The following DNAJC3 variants were observed in gnomAD, a reference collection of about 807,000 sequenced individuals.
DNAJC3 encodes DnaJ heat shock protein family (Hsp40) member C3.
A neutral mutation model predicts 68.6 loss-of-function variants in DNAJC3; 38 were observed. The observed-to-expected ratio is 0.55, with a 90% CI of 0.43 to 0.73. The LOEUF (loss-of-function observed/expected upper bound fraction) is 0.73. Ranked by LOEUF, DNAJC3 falls within the 30% of genes least tolerant of loss-of-function variation. DNAJC3 has a pLI of 0.00. For synonymous variants in DNAJC3, 203 were observed against 204.0 expected, an observed-to-expected ratio of 1.00 and a Z score of 0.04; for missense variants, 526 against 591.9, an observed-to-expected ratio of 0.89 and a Z score of 1.16.
chr13:95,760,581 C>T (rs1018134303), intron 6 of DNAJC3, 98 bp from the exon 7 acceptor site: 40 of 1,445,536 alleles, frequency 2.8e-5, no homozygotes, highest in Middle Eastern at 2.5e-4. Flanking sequence ...TTTGTTTAAT[C>T]GTTGCAAACA....
chr13:95,781,239 G>A (rs1033764083), intron 9 of DNAJC3, among the ~76,000 whole-genome samples: 2 of 152,124 alleles, frequency 1.3e-5, no homozygotes, highest in African/African-American at 4.8e-5. Context: ...TCTGCTTATA[G>A]TAGGGATTAA....
rs1879783459 is a variant in DNAJC3, at chr13:95,677,345, C to T, written c.82+8C>T. On this transcript the variant is annotated splice_region_variant and intron_variant, in intron 1 of 11. Transcript: ENST00000602402. ...TGGATCTGCAGTACGAAGGTGAGTC[C>T]TGCCCTGCCCCGGCCAGGAAGTGGG... 2.5e-6 allele frequency: 4 copies of T among 1,582,664 alleles called. No individual in the cohort carries two copies. The highest frequency in any genetic ancestry group is 2.6e-6 in the Non-Finnish European group (3 of 1,165,812).
At position 95,723,223 on chromosome 13, in the gene DNAJC3, ATAT is replaced by A; in HGVS notation, c.194-14_194-12del. On this transcript the variant is annotated splice_polypyrimidine_tract_variant and intron_variant, in intron 2 of 11. Transcript: ENST00000602402. ...TTTTTGAATAAATGACTAAGAGGTA[ATAT>A]TATTTTAATTTTCAGATGGTGACCC... 6.4e-7 allele frequency: 1 copy of A among 1,572,578 alleles called. No individual in the cohort carries two copies. Among genetic ancestry groups the A allele is most frequent in the Non-Finnish European group, 8.6e-7 (1 of 1,157,410 alleles).
intron 11 of DNAJC3, among the ~76,000 whole-genome samples, chr13:95,790,164 A>G (rs1463189643): frequency 2.6e-5 from 4 of 152,214 alleles, no homozygotes; most frequent in East Asian, 1.9e-4. Flanking sequence ...TGGAAACACC[A>G]AAAGCAATCT....
At chr13:95,746,442 G>A (rs531007260) in intron 4 of DNAJC3, among the ~76,000 whole-genome samples, 1 of 152,194 alleles carries the variant, frequency 6.6e-6, no homozygotes, top group East Asian at 1.9e-4. Flanking sequence ...TGCCTTCTAA[G>A]GACCTTATTT....
chr13:95,713,184 G>A (rs950004713), intron 2 of DNAJC3, among the ~76,000 whole-genome samples: 5 of 152,160 alleles, frequency 3.3e-5, no homozygotes, highest in South Asian at 2.1e-4. Flanking sequence ...GTGTGAGAAC[G>A]AACTAATACA....
In DNAJC3 at chr13:95,762,610, TTTG is replaced by T. The variant is rs1419321438; in HGVS notation, c.849-1030_849-1028del. ...TTCCACTTTCCCAGAAGCTGGCTTT[TTTG>T]TTTTCTTCTTTAAGTTCCAGGATGT... is the stretch of plus-strand genomic sequence containing the variant. On this transcript the variant is annotated intron_variant, in intron 7 of 11. Coordinates refer to ENST00000602402, the MANE Select transcript of DNAJC3 (RefSeq NM_006260.5). Among the ~76,000 whole-genome samples the T allele has an allele frequency of 2.6e-5, 4 of 152,336 alleles. 1 individual carries two copies. The highest frequency in any genetic ancestry group is 2.6e-4 in the Admixed American group (4 of 15,306).
chr13:95,748,820 C>T (rs139591678), intron 4 of DNAJC3, among the ~76,000 whole-genome samples: 1,960 of 152,056 alleles, frequency 0.013, 50 homozygotes, highest in African/African-American at 0.045. Context: ...CGTCTCAAAA[C>T]AAACAAACAA....
At chr13:95,785,662 A>G (rs1177929754) in intron 9 of DNAJC3, among the ~76,000 whole-genome samples, 1 of 149,932 alleles carries the variant, frequency 6.7e-6, no homozygotes, top group Non-Finnish European at 1.5e-5. Flanking sequence ...ACGGGGTTTC[A>G]TTGTGTTGGC....
At chr13:95,709,427 T>TGAAA in intron 2 of DNAJC3, 90 bp downstream of exon 2, 1 of 870,950 alleles carries the variant, frequency 1.1e-6, no homozygotes, top group Non-Finnish European at 1.7e-6. Context: ...AAAATAAACA[T>TGAAA]TATTTCATGT....
At chr13:95,691,719 G>T (rs1880267603) in intron 1 of DNAJC3, among the ~76,000 whole-genome samples, 1 of 152,212 alleles carries the variant, frequency 6.6e-6, no homozygotes, top group Admixed American at 6.5e-5. Flanking sequence ...GGAGGTGGAG[G>T]TTGTAGCGAG....
intron 9 of DNAJC3, among the ~76,000 whole-genome samples, chr13:95,782,785 ATAGTTTCT>A (rs1883491389): frequency 6.6e-6 from 1 of 152,056 alleles, no homozygotes; most frequent in South Asian, 2.1e-4. Context: ...CACTCTGATG[ATAGTTTCT>A]TTTGCTGTGG....
chr13:95,735,185 G>A (rs1200800648), intron 4 of DNAJC3, among the ~76,000 whole-genome samples: 6 of 141,764 alleles, frequency 4.2e-5, no homozygotes, highest in African/African-American at 1.6e-4. Flanking sequence ...ATTCCATGGT[G>A]TATATGTGCC....
chr13:95,726,250 A>G (rs541480379), intron 4 of DNAJC3, among the ~76,000 whole-genome samples: 1 of 152,192 alleles, frequency 6.6e-6, no homozygotes, highest in African/African-American at 2.4e-5. Context: ...GAATCACCAC[A>G]CTGACTTCCA....
At chr13:95,709,657 G>A (rs17882097) in intron 2 of DNAJC3, among the ~76,000 whole-genome samples, 1,701 of 133,110 alleles carry the variant, frequency 0.013, 37 homozygotes, top group African/African-American at 0.047. Context: ...TTTTTGAGAC[G>A]GAGTCTCGCT....
At chr13:95,725,848 C>G (rs1259911971) in intron 4 of DNAJC3, among the ~76,000 whole-genome samples, 1 of 131,052 alleles carries the variant, frequency 7.6e-6, no homozygotes, top group South Asian at 2.7e-4. Context: ...CAACAGTCCC[C>G]GGAGTGTGAT....
At chr13:95,704,021 A>G (rs976172769) in intron 1 of DNAJC3, among the ~76,000 whole-genome samples, 9 of 152,290 alleles carry the variant, frequency 5.9e-5, no homozygotes, top group Admixed American at 6.5e-5. Context: ...AAAATAGCAC[A>G]CTTGTTTGCC....
intron 4 of DNAJC3, among the ~76,000 whole-genome samples, chr13:95,753,263 T>C (rs1000766364): frequency 2.0e-5 from 3 of 152,242 alleles, no homozygotes; most frequent in African/African-American, 7.2e-5. Flanking sequence ...AATGCTTTAA[T>C]TCAGTCGCTC....
chr13:95,709,829 C>T (rs1416828944), intron 2 of DNAJC3, among the ~76,000 whole-genome samples: 9 of 151,972 alleles, frequency 5.9e-5, no homozygotes, highest in African/African-American at 1.4e-4. Flanking sequence ...TTAGTAGAGA[C>T]GGGGTTTCAC....
Sources: gnomAD v4.1 joint callset for allele counts (sites outside exome capture counted in the v4.1 genomes callset) on GRCh38, gnomAD v4.1.1 for gene constraint, MANE v1.5 for transcripts, NCBI Gene and HGNC (gene_info 2026-07-23, HGNC 2026-07-21) for gene names.